The following EPS8L2 variants were observed in gnomAD, a reference collection of about 807,000 sequenced individuals.
EPS8L2 encodes EPS8 signaling adaptor L2, also known as epidermal growth factor receptor kinase substrate 8-like protein 2.
A neutral mutation model predicts 99.4 loss-of-function variants in EPS8L2; 81 were observed. That is an observed-to-expected ratio of 0.82 (90% confidence interval 0.68 to 0.98). EPS8L2 has a LOEUF of 0.98. Ranked by LOEUF, EPS8L2 falls within the 50% of genes least tolerant of loss-of-function variation. The pLI is 0.00. For synonymous variants in EPS8L2, 509 were observed against 407.3 expected, an observed-to-expected ratio of 1.25 and a Z score of -3.01; for missense variants, 1,155 against 968.8, an observed-to-expected ratio of 1.19 and a Z score of -2.55.
At chr11:712,742 G>A (rs930705339) in intron 4 of EPS8L2, among the ~76,000 whole-genome samples, 1 of 152,372 alleles carries the variant, frequency 6.6e-6, no homozygotes, top group Admixed American at 6.5e-5. Flanking sequence ...GAGCCATCAG[G>A]AGTCCCTGAG....
intron 14 of EPS8L2, 103 bp downstream of exon 14, chr11:722,908 C>A (rs1421474453): frequency 2.9e-5 from 21 of 728,408 alleles, no homozygotes; most frequent in South Asian, 1.1e-4. Flanking sequence ...GAGCTCCCCC[C>A]CCAGCCCTGA....
chr11:715,732 TG>T (rs1862007217), intron 4 of EPS8L2, among the ~76,000 whole-genome samples: 1 of 147,930 alleles, frequency 6.8e-6, no homozygotes, highest in African/African-American at 2.5e-5. Flanking sequence ...GCCATTCTCC[TG>T]CCTCAGCCTC....
intron 4 of EPS8L2, among the ~76,000 whole-genome samples, chr11:715,196 T>C (rs531762876): frequency 6.9e-4 from 105 of 151,702 alleles, no homozygotes; most frequent in African/African-American, 1.7e-3. Flanking sequence ...AAGCTGAGAT[T>C]GCGCCACTGC....
chr11:726,254 G>A (rs754398492), intron 18 of EPS8L2, 50 bp from the exon 19 acceptor site: 159 of 1,575,740 alleles, frequency 1.0e-4, no homozygotes, highest in Non-Finnish European at 1.8e-5. Flanking sequence ...TGGGCCGGGG[G>A]CGGGGGCAGG....
intron 16 of EPS8L2, 143 bp from the exon 17 acceptor site, chr11:725,585 G>A (rs1037269369): frequency 1.4e-5 from 11 of 764,610 alleles, no homozygotes; most frequent in Non-Finnish European, 1.4e-5. Context: ...TGGAGGGGTG[G>A]AAACAGGGGT....
rs74048008 is a variant in EPS8L2 at position 721,737 on chromosome 11, A to G, written c.895+46A>G. 6.3e-3 allele frequency: 8,001 copies of G among 1,274,238 alleles called. 173 individuals are homozygous for G. The African/African-American group carries it at 0.12, about 19-fold the overall frequency. 78.9% of individuals were successfully genotyped at this position (1,274,238 alleles called of 1,614,324 possible). A position where few individuals can be genotyped will look rare whatever the true frequency, so the allele number is the denominator to read the frequency against. The stretch of plus-strand genomic sequence containing the variant: ...GCCGGCAGGTGCAGGGGACGGGGCC[A>G]GCAGGTGCAGGGGACAGGGACGGGG... On this transcript the variant is annotated intron_variant, in intron 10 of 20. Coordinates refer to ENST00000318562, the MANE Select transcript of EPS8L2 (RefSeq NM_022772.4).
rs1862268280 is a variant in EPS8L2, at chr11:724,641, G to A, written c.1455-83G>A. On this transcript the variant is annotated intron_variant, in intron 15 of 20. Coordinates refer to ENST00000318562, the MANE Select transcript of EPS8L2 (RefSeq NM_022772.4). This position sits in a 1 kb window ranked among gnomAD's most constrained non-coding sequence, Gnocchi z 5.5. ...AAGAGGCAGCCAGTCGTGCACCTGG[G>A]AAGCTGCTGCCCCCCAGCCACTGCC... The A allele has an allele frequency of 2.2e-6, 2 of 927,844 alleles. No individual in the cohort carries two copies. The highest frequency in any genetic ancestry group is 1.8e-6 in the Non-Finnish European group (1 of 564,216). 57.5% of individuals were successfully genotyped at this position (927,844 alleles called of 1,614,324 possible).
At chr11:723,997 C>T (rs981929939) in intron 15 of EPS8L2, among the ~76,000 whole-genome samples, 5 of 152,190 alleles carry the variant, frequency 3.3e-5, no homozygotes, top group Non-Finnish European at 7.3e-5. Flanking sequence ...GCCTGGCTCC[C>T]GTGGTCCCTG....
At chr11:720,979 C>CCCGGCAGGGGAGGGGAGGAGCT in intron 7 of EPS8L2, 70 bp downstream of exon 7, 2 of 1,303,880 alleles carry the variant, frequency 1.5e-6, no homozygotes, top group Non-Finnish European at 2.0e-6. Context: ...AGGGGAGGAG[C>CCCGGCAGGGGAGGGGAGGAGCT]CGGCAGGGGA....
In EPS8L2 at chr11:712,410, T is replaced by TGTG. The variant is rs1861915011; in HGVS notation, c.165+1926_165+1927insGGT. 9.3e-5 allele frequency among the ~76,000 whole-genome samples: 13 copies of TGTG among 139,458 alleles called. 1 individual carries two copies. The highest frequency in any genetic ancestry group is 2.1e-4 in the Admixed American group (3 of 14,090). The allele number at this position is 139,458 out of a possible 152,430, so 91.5% of individuals were successfully genotyped here. ...CCTGGGTGCGAGCTGGGCTCCCGGT[T>TGTG]GTCGTCCAAGCCTGGGTGCGAGCTG... On this transcript the variant is annotated intron_variant, in intron 4 of 20. Coordinates refer to ENST00000318562, the MANE Select transcript of EPS8L2 (RefSeq NM_022772.4).
At chr11:720,305 C>A in intron 5 of EPS8L2, 82 bp downstream of exon 5, 1 of 1,474,868 alleles carries the variant, frequency 6.8e-7, no homozygotes, top group Non-Finnish European at 9.3e-7. Context: ...GATGTGCGGC[C>A]GGTCCTCTCT....
At chr11:720,958 C>A in intron 7 of EPS8L2, 49 bp downstream of exon 7, 1 of 1,015,862 alleles carries the variant, frequency 9.8e-7, no homozygotes, top group Admixed American at 2.6e-5. Flanking sequence ...AGGGGAGGAG[C>A]CCGGCAGGGG....
intron 20 of EPS8L2, 63 bp downstream of exon 20, chr11:726,814 C>T (rs10902207): frequency 1.3e-6 from 2 of 1,580,066 alleles, no homozygotes; most frequent in Middle Eastern, 1.8e-4. Context: ...CTCCCCCGCC[C>T]GTTCCTGGGG....
rs771388674 is a variant in EPS8L2, at chr11:724,797, G to T, written c.1528G>T (p.Glu510Ter). ...LYDFTARNAN[E>*]LSVLKDEVLE... ...TGACTTCACAGCCCGAAATGCCAACGAGCTATCGGTGCTCAAGGATGAGGT... is the reference window on the plus strand; with the variant it reads ...TGACTTCACAGCCCGAAATGCCAACTAGCTATCGGTGCTCAAGGATGAGGT... The change falls in exon 16 of 21, where the codon GAG becomes TAG. Residue 510 changes from glutamate (E) to a stop codon, truncating the protein, a stop_gained. Transcript: ENST00000318562. LOFTEE classifies it high-confidence loss of function. The surrounding 1 kb of genome is among the most constrained non-coding windows in gnomAD (Gnocchi z 5.5). The T allele has an allele frequency of 6.2e-7, 1 of 1,613,424 alleles. No homozygotes were observed.
At chr11:717,261 C>T (rs1862047911) in intron 4 of EPS8L2, among the ~76,000 whole-genome samples, 1 of 152,224 alleles carries the variant, frequency 6.6e-6, no homozygotes, top group South Asian at 2.1e-4. Flanking sequence ...AGGCATGAGC[C>T]ACCGTGTCTG....
In EPS8L2 at chr11:724,883, G is replaced by T; in HGVS notation, c.1560+54G>T. On this transcript the variant is annotated intron_variant, in intron 16 of 20. Transcript: ENST00000318562. The surrounding 1 kb of genome is among the most constrained non-coding windows in gnomAD (Gnocchi z 5.5). ...GGGGGAAACAGGGCAGGGCTTCAAG[G>T]GAGGGGCTACCAGGGGAGGTGGGGA... is the stretch of plus-strand genomic sequence containing the variant. 1 of 1,383,988 alleles carries T rather than the reference G, an allele frequency of 7.2e-7. No individual in the cohort carries two copies. The highest frequency in any genetic ancestry group is 1.2e-5 in the South Asian group (1 of 85,534). 85.7% of individuals were successfully genotyped at this position (1,383,988 alleles called of 1,614,324 possible). A position where few individuals can be genotyped will look rare whatever the true frequency, so the allele number is the denominator to read the frequency against.
At position 727,340 on chromosome 11, in the gene EPS8L2, A is replaced by C. The variant is rs1428828845; in HGVS notation, c.*359A>C. On this transcript the variant is annotated 3_prime_UTR_variant, in exon 21 of 21. Transcript: ENST00000318562. Reference sequence around the variant, plus strand: ...CTCCCCCATCCCCACCCACTTCTACATCCATCCACACCCCAGGGTGAGCTG... The same window carrying C: ...CTCCCCCATCCCCACCCACTTCTACCTCCATCCACACCCCAGGGTGAGCTG... 4 of 186,574 alleles carry C rather than the reference A, an allele frequency of 2.1e-5. No homozygotes were observed. Among genetic ancestry groups the C allele is most frequent in the East Asian group, 1.6e-4 (1 of 6,346 alleles). The allele number at this position is 186,574 out of a possible 1,614,324, so 11.6% of individuals were successfully genotyped here. A position where few individuals can be genotyped will look rare whatever the true frequency, so the allele number is the denominator to read the frequency against.
At position 722,805 on chromosome 11, in the gene EPS8L2, G is replaced by A. The variant is rs1345890277; in HGVS notation, c.1341G>A (p.Glu447=). 2.6e-6 allele frequency: 4 copies of A among 1,564,380 alleles called. No homozygotes were observed. The highest frequency in any genetic ancestry group is 3.4e-6 in the Non-Finnish European group (4 of 1,159,524). ...GGCTGGCGTCTGCCCCCATCGAGGA[G>A]GTGAGAGCACCAGCAGCCCCCATCC... ...VEGLASAPIE[E]VSPVSRQSIR... is the part of the protein sequence containing the mutation. The change falls in exon 14 of 21, where the codon GAG becomes GAA. Residue 447 remains glutamate, a splice_region_variant and synonymous_variant. Coordinates refer to ENST00000318562, the MANE Select transcript of EPS8L2 (RefSeq NM_022772.4).
At chr11:715,321 G>A (rs577058706) in intron 4 of EPS8L2, among the ~76,000 whole-genome samples, 16 of 152,074 alleles carry the variant, frequency 1.1e-4, no homozygotes, top group Admixed American at 6.6e-4. Flanking sequence ...TGCTGCCCTC[G>A]GAGCACAGGA....
Sources: gnomAD v4.1 joint callset for allele counts (sites outside exome capture counted in the v4.1 genomes callset) on GRCh38, gnomAD v4.1.1 for gene constraint, Gnocchi (gnomAD v3.1) non-coding constraint, MANE v1.5 for transcripts, NCBI Gene and HGNC (gene_info 2026-07-23, HGNC 2026-07-21) for gene names.